CTNNBL1: variants seen among roughly 807,000 people sequenced by gnomAD.
CTNNBL1 encodes catenin beta like 1, also known as beta-catenin-like protein 1.
A neutral mutation model predicts 72.7 loss-of-function variants in CTNNBL1; 31 were observed. The observed-to-expected ratio is 0.43, with a 90% CI of 0.32 to 0.58. The LOEUF (loss-of-function observed/expected upper bound fraction) is 0.58, where lower values mean the gene tolerates loss of function less well. CTNNBL1 is among the 20% of genes least tolerant of loss of function. The pLI, the probability that CTNNBL1 is intolerant of heterozygous loss-of-function variation, is 0.08. For synonymous variants in CTNNBL1, 240 were observed against 267.3 expected (o/e 0.90, Z 1.00); for missense variants, 534 against 725.1 (o/e 0.74, Z 3.03).
intron 10 of CTNNBL1, among the ~76,000 whole-genome samples, chr20:37,791,746 G>A (rs368161137): frequency 7.9e-5 from 12 of 152,266 alleles, no homozygotes; most frequent in East Asian, 5.8e-4. Context: ...TGTGAACTGC[G>A]CGTGCGAGCG....
At chr20:37,752,881 C>G (rs558715728) in intron 4 of CTNNBL1, among the ~76,000 whole-genome samples, 1 of 152,068 alleles carries the variant, frequency 6.6e-6, no homozygotes, top group Admixed American at 6.5e-5. Context: ...TTTAGTAATT[C>G]GCAGGGAGAC....
At chr20:37,724,846 C>T (rs2073069502) in intron 1 of CTNNBL1, among the ~76,000 whole-genome samples, 1 of 150,896 alleles carries the variant, frequency 6.6e-6, no homozygotes, top group Non-Finnish European at 1.5e-5. Context: ...TGTTTGTTGT[C>T]ATTGTGTCTT....
At chr20:37,864,853 C>A (rs995188878) in intron 15 of CTNNBL1, among the ~76,000 whole-genome samples, 1 of 151,886 alleles carries the variant, frequency 6.6e-6, no homozygotes, top group Non-Finnish European at 1.5e-5. Flanking sequence ...AAATCCAGGA[C>A]CATGGTAGGT....
intron 11 of CTNNBL1, among the ~76,000 whole-genome samples, chr20:37,833,553 G>A (rs1359654309): frequency 6.6e-6 from 1 of 152,140 alleles, no homozygotes; most frequent in African/African-American, 2.4e-5. Context: ...TCCCCTTGGT[G>A]GAGCCTTGTT....
intron 11 of CTNNBL1, among the ~76,000 whole-genome samples, chr20:37,833,707 A>G (rs1384167860): frequency 6.6e-6 from 1 of 152,022 alleles, no homozygotes; most frequent in East Asian, 1.9e-4. Flanking sequence ...CTTCACCTCC[A>G]TTTTATCCTG....
At chr20:37,778,538 CAT>C (rs1203151716) in intron 9 of CTNNBL1, among the ~76,000 whole-genome samples, 1 of 152,152 alleles carries the variant, frequency 6.6e-6, no homozygotes, top group Non-Finnish European at 1.5e-5. Flanking sequence ...TATGGGTATG[CAT>C]ATACAGTTTA....
intron 10 of CTNNBL1, among the ~76,000 whole-genome samples, chr20:37,802,095 A>G (rs2073828139): frequency 6.6e-6 from 1 of 152,258 alleles, no homozygotes; most frequent in African/African-American, 2.4e-5. Flanking sequence ...ATTATTCATA[A>G]TAGCCAAAGG....
At chr20:37,862,529 G>A (rs1008953356) in intron 15 of CTNNBL1, among the ~76,000 whole-genome samples, 5 of 152,070 alleles carry the variant, frequency 3.3e-5, no homozygotes, top group Admixed American at 1.3e-4. Flanking sequence ...TGTCTCCCTC[G>A]GATCCTGGTT....
chr20:37,721,356 C>A (rs1600443850), intron 1 of CTNNBL1, among the ~76,000 whole-genome samples: 1 of 152,152 alleles, frequency 6.6e-6, no homozygotes, highest in East Asian at 1.9e-4. Flanking sequence ...AGCTGGTTAT[C>A]CTGTTGACTC....
chr20:37,832,565 A>C (rs575109350), intron 11 of CTNNBL1, among the ~76,000 whole-genome samples: 1 of 152,282 alleles, frequency 6.6e-6, no homozygotes, highest in East Asian at 1.9e-4. Flanking sequence ...CAAGATTTGA[A>C]TCCATGTCCC....
chr20:37,765,686 T>G (rs999118432), intron 6 of CTNNBL1, among the ~76,000 whole-genome samples: 2 of 152,368 alleles, frequency 1.3e-5, no homozygotes, highest in South Asian at 2.1e-4. Context: ...ACTGCAAACT[T>G]TTGGACCATT....
intron 13 of CTNNBL1, among the ~76,000 whole-genome samples, chr20:37,846,172 A>G (rs1289233685): frequency 1.3e-5 from 2 of 152,204 alleles, no homozygotes; most frequent in Non-Finnish European, 2.9e-5. Flanking sequence ...ATCTAAGGCT[A>G]GAGTCACCCT....
chr20:37,732,645 A>G (rs1327668491), intron 1 of CTNNBL1, among the ~76,000 whole-genome samples: 1 of 152,208 alleles, frequency 6.6e-6, no homozygotes, highest in Non-Finnish European at 1.5e-5. Flanking sequence ...CTTTTGAGTC[A>G]GAGAATTCTT....
At chr20:37,744,508 G>A (rs768472377) in intron 3 of CTNNBL1, 2 of 152,196 alleles carry the variant, frequency 1.3e-5, no homozygotes, top group Non-Finnish European at 2.9e-5. Context: ...GGAATATTGT[G>A]TGGCCATTAA....
chr20:37,764,447 G>A (rs2073446371), intron 5 of CTNNBL1, among the ~76,000 whole-genome samples: 1 of 152,196 alleles, frequency 6.6e-6, no homozygotes, highest in Non-Finnish European at 1.5e-5. Flanking sequence ...GGAGAAGGAA[G>A]CCTGGGTTTT....
At chr20:37,863,623 G>T (rs760181042) in intron 15 of CTNNBL1, among the ~76,000 whole-genome samples, 1 of 152,176 alleles carries the variant, frequency 6.6e-6, no homozygotes, top group Non-Finnish European at 1.5e-5. Context: ...AGGCCAAGAA[G>T]AGGTGCAGGA....
chr20:37,863,440 A>G (rs2072509040), intron 15 of CTNNBL1, among the ~76,000 whole-genome samples: 1 of 152,166 alleles, frequency 6.6e-6, no homozygotes, highest in African/African-American at 2.4e-5. Context: ...TCAAGTTGTG[A>G]ACAGTGTGCT....
At chr20:37,717,227 A>G (rs1294264670) in intron 1 of CTNNBL1, among the ~76,000 whole-genome samples, 2 of 152,232 alleles carry the variant, frequency 1.3e-5, no homozygotes, top group Non-Finnish European at 2.9e-5. Context: ...TAACTTGTAG[A>G]AAAAATAATT....
intron 1 of CTNNBL1, among the ~76,000 whole-genome samples, chr20:37,707,291 T>C (rs1288362035): frequency 6.6e-6 from 1 of 152,248 alleles, no homozygotes; most frequent in Non-Finnish European, 1.5e-5. Context: ...AGATGGCCTC[T>C]TCTTCCAACA....
Sources: allele counts gnomAD v4.1 joint callset (sites outside exome capture counted in the v4.1 genomes callset), GRCh38; gene constraint gnomAD v4.1.1; transcripts MANE v1.5; gene names NCBI Gene and HGNC (gene_info 2026-07-23, HGNC 2026-07-21).